Variants in MARK1 observed in about 807,000 individuals in gnomAD.
MARK1 encodes the protein serine/threonine-protein kinase MARK1.
MARK1 carries 40 observed loss-of-function variants against 96.3 expected under a neutral mutation model. The ratio of observed to expected loss-of-function variants is 0.42; its 90% CI spans 0.32 to 0.54. The LOEUF (loss-of-function observed/expected upper bound fraction) is 0.54. Ranked by LOEUF, MARK1 falls within the 20% of genes least tolerant of loss-of-function variation. MARK1 has a pLI of 0.16. For missense variants in MARK1, 719 were observed against 984.6 expected, an observed-to-expected ratio of 0.73 and a Z score of 3.61; for synonymous variants, 317 against 341.2, an observed-to-expected ratio of 0.93 and a Z score of 0.78.
chr1:220,601,433 A>G (rs1238953517), intron 5 of MARK1, among the ~76,000 whole-genome samples: 1 of 152,118 alleles, frequency 6.6e-6, no homozygotes, highest in Non-Finnish European at 1.5e-5. Context: ...AGCCATGTAA[A>G]TTTCCATAAA....
intron 3 of MARK1, among the ~76,000 whole-genome samples, chr1:220,586,473 A>T (rs1224883467): frequency 6.6e-6 from 1 of 152,192 alleles, no homozygotes; most frequent in African/African-American, 2.4e-5. Flanking sequence ...TCAAGCACTC[A>T]TAACCAAGGA....
intron 16 of MARK1, among the ~76,000 whole-genome samples, chr1:220,657,272 G>C (rs566527686): frequency 2.0e-5 from 3 of 152,136 alleles, no homozygotes; most frequent in Non-Finnish European, 4.4e-5. Flanking sequence ...TGGATAGGCT[G>C]TTAATTTGCT....
intron 1 of MARK1, among the ~76,000 whole-genome samples, chr1:220,536,556 T>C (rs574421994): frequency 1.3e-5 from 2 of 151,918 alleles, no homozygotes; most frequent in South Asian, 4.2e-4. Flanking sequence ...ACCAGTCCTC[T>C]CTCTCTTTTT....
Position 220,631,137 on chromosome 1 carries a change from A to G in MARK1, c.1009+3A>G, listed in dbSNP as rs774822099. 7 of 1,601,522 alleles carry G rather than the reference A, an allele frequency of 4.4e-6. No individual in the cohort carries two copies. Among genetic ancestry groups the G allele is most frequent in the Non-Finnish European group, 6.0e-6 (7 of 1,169,168 alleles). On this transcript the variant is annotated splice_donor_region_variant and intron_variant, in intron 10 of 17. Coordinates refer to ENST00000366917, the MANE Select transcript of MARK1 (RefSeq NM_018650.5). ...TTTCAATGACACAAAAAGAATAGGT[A>G]AGTATTTAAACATGGTAAGAAGTGC...
chr1:220,595,472 CA>C (rs1665273790), intron 3 of MARK1, among the ~76,000 whole-genome samples: 1 of 152,184 alleles, frequency 6.6e-6, no homozygotes, highest in African/African-American at 2.4e-5. Flanking sequence ...GCTGCAATAG[CA>C]AAATCATCAG....
chr1:220,638,300 A>T (rs1202655426), intron 13 of MARK1, among the ~76,000 whole-genome samples: 1 of 152,060 alleles, frequency 6.6e-6, no homozygotes, highest in East Asian at 1.9e-4. Context: ...GTCTATCTCC[A>T]TGTCTGTCTT....
intron 1 of MARK1, among the ~76,000 whole-genome samples, chr1:220,574,688 G>A (rs1240423137): frequency 6.6e-6 from 1 of 151,820 alleles, no homozygotes; most frequent in African/African-American, 2.4e-5. Context: ...TTAATATTTT[G>A]TCTACAGATT....
At chr1:220,629,876 T>A (rs1667571248) in intron 9 of MARK1, among the ~76,000 whole-genome samples, 1 of 152,238 alleles carries the variant, frequency 6.6e-6, no homozygotes, top group Admixed American at 6.5e-5. Flanking sequence ...TCCTTCCACA[T>A]CCTGGCTTTT....
intron 5 of MARK1, among the ~76,000 whole-genome samples, chr1:220,600,136 C>G (rs1040081481): frequency 6.6e-6 from 1 of 152,016 alleles, no homozygotes; most frequent in Non-Finnish European, 1.5e-5. Flanking sequence ...TGTATTGATT[C>G]TCTTATCTAA....
At chr1:220,643,124 A>C (rs1311659062) in intron 13 of MARK1, among the ~76,000 whole-genome samples, 1 of 152,236 alleles carries the variant, frequency 6.6e-6, no homozygotes, top group African/African-American at 2.4e-5. Flanking sequence ...TGACAGAAGT[A>C]GGCTTCAGAA....
At chr1:220,595,744 T>C (rs998804921) in intron 3 of MARK1, among the ~76,000 whole-genome samples, 3 of 151,770 alleles carry the variant, frequency 2.0e-5, no homozygotes, top group African/African-American at 7.3e-5. Flanking sequence ...GGATAACAGG[T>C]TGGAGGATGG....
chr1:220,566,155 G>A (rs1663043720), intron 1 of MARK1, among the ~76,000 whole-genome samples: 1 of 152,162 alleles, frequency 6.6e-6, no homozygotes, highest in African/African-American at 2.4e-5. Flanking sequence ...ATTCAACACA[G>A]AAGACATTGT....
At chr1:220,640,330 A>G (rs1668198138) in intron 13 of MARK1, among the ~76,000 whole-genome samples, 1 of 152,256 alleles carries the variant, frequency 6.6e-6, no homozygotes, top group South Asian at 2.1e-4. Flanking sequence ...AGTCAATAGT[A>G]AAAGCTCTTG....
chr1:220,652,718 C>T (rs892665277), intron 15 of MARK1, among the ~76,000 whole-genome samples: 3 of 152,198 alleles, frequency 2.0e-5, no homozygotes, highest in Non-Finnish European at 2.9e-5. Context: ...ATTGTAGCAT[C>T]ACTGAGGCCT....
At chr1:220,604,864 GAATTGTA>G (rs1257686677) in intron 6 of MARK1, among the ~76,000 whole-genome samples, 3 of 152,044 alleles carry the variant, frequency 2.0e-5, no homozygotes, top group Admixed American at 2.0e-4. Flanking sequence ...GCAAATTAGT[GAATTGTA>G]AATTGTAAAT....
intron 1 of MARK1, among the ~76,000 whole-genome samples, chr1:220,559,126 A>G (rs1359266595): frequency 6.6e-6 from 1 of 152,178 alleles, no homozygotes; most frequent in Non-Finnish European, 1.5e-5. Flanking sequence ...GAAACCTAAA[A>G]AGCTGGTTCT....
Position 220,528,475 on chromosome 1 carries a change from C to G in MARK1, c.-348C>G, listed in dbSNP as rs1351705735. The G allele has an allele frequency of 9.2e-6, 3 of 327,308 alleles. No individual in the cohort carries two copies. The highest frequency in any genetic ancestry group is 6.6e-5 in the African/African-American group (3 of 45,694). The allele number at this position is 327,308 out of a possible 1,614,324, so 20.3% of individuals were successfully genotyped here. Reference sequence around the variant, plus strand: ...ACCGGCTTCACCTTCACCCATGGTCCGGAGAGCCTAGCGGGGCTCGCCACC... The same window carrying G: ...ACCGGCTTCACCTTCACCCATGGTCGGGAGAGCCTAGCGGGGCTCGCCACC... On this transcript the variant is annotated 5_prime_UTR_variant, in exon 1 of 18. Transcript: ENST00000366917.
chr1:220,617,606 GT>G (rs1396936488), intron 7 of MARK1, among the ~76,000 whole-genome samples: 1 of 152,160 alleles, frequency 6.6e-6, no homozygotes, highest in African/African-American at 2.4e-5. Context: ...TTGTCTTTGA[GT>G]GATTCTGCTT....
intron 1 of MARK1, among the ~76,000 whole-genome samples, chr1:220,543,045 A>C (rs1661251692): frequency 1.3e-5 from 2 of 152,196 alleles, no homozygotes; most frequent in African/African-American, 4.8e-5. Context: ...TAGATTTTTG[A>C]AATCATTTGT....
Sources: gnomAD v4.1 joint callset for allele counts (sites outside exome capture counted in the v4.1 genomes callset) on GRCh38, gnomAD v4.1.1 for gene constraint, MANE v1.5 for transcripts, NCBI Gene and HGNC (gene_info 2026-07-23, HGNC 2026-07-21) for gene names.